Variants in CNRIP1 observed in about 807,000 individuals in gnomAD.
CNRIP1 encodes cannabinoid receptor interacting protein 1.
A neutral mutation model predicts 15.2 loss-of-function variants in CNRIP1; 10 were observed. That is an observed-to-expected ratio of 0.66 (90% CI 0.41 to 1.12). The LOEUF (loss-of-function observed/expected upper bound fraction) is 1.12. CNRIP1 is among the 50% of genes most tolerant of loss of function. The pLI, the probability that CNRIP1 is intolerant of heterozygous loss-of-function variation, is 0.00. For missense variants in CNRIP1, 211 were observed against 214.7 expected (o/e 0.98, Z 0.11); for synonymous variants, 91 against 83.2 (o/e 1.09, Z -0.51).
At position 68,304,112 on chromosome 2, in the gene CNRIP1, G is replaced by A. The variant is rs149106769; in HGVS notation, c.331-10086C>T. Among the ~76,000 whole-genome samples, 1,256 of 151,788 alleles carry A rather than the reference G, an allele frequency of 8.3e-3. 28 individuals carry two copies. Among genetic ancestry groups the A allele is most frequent in the African/African-American group, 0.029 (1,204 of 41,342 alleles). On this transcript the variant is annotated intron_variant, in intron 2 of 2. Transcript: ENST00000263655. ...AAAAACAAACAAAAAAGCCAGCCAG[G>A]TGCAGGGGGTGCATGCCTGTAATCC...
At position 68,319,665 on chromosome 2, in the gene CNRIP1, C is replaced by G. The variant is rs1379197123; in HGVS notation, c.-265G>C. On this transcript the variant is annotated 5_prime_UTR_variant, in exon 1 of 3. Transcript: ENST00000263655. Reference sequence around the variant, plus strand: ...CCAAGGCCGCGCGCTTCCCCATCCCCCGCTCCAGTGCTGCGCCCTCCACGC... The same window carrying G: ...CCAAGGCCGCGCGCTTCCCCATCCCGCGCTCCAGTGCTGCGCCCTCCACGC... The G allele has an allele frequency of 2.3e-6, 1 of 439,210 alleles. No homozygotes were observed. Among genetic ancestry groups the G allele is most frequent in the Non-Finnish European group, 4.1e-6 (1 of 246,160 alleles). The allele number at this position is 439,210 out of a possible 1,614,324, so 27.2% of individuals were successfully genotyped here.
At chr2:68,304,268 G>A (rs536660734) in intron 2 of CNRIP1, among the ~76,000 whole-genome samples, 1 of 151,498 alleles carries the variant, frequency 6.6e-6, no homozygotes, top group Admixed American at 6.6e-5. Flanking sequence ...GGGTGTGTTG[G>A]TGGGTGCCTA....
intron 1 of CNRIP1, among the ~76,000 whole-genome samples, chr2:68,318,816 G>T (rs1672377733): frequency 6.6e-6 from 1 of 152,156 alleles, no homozygotes; most frequent in African/African-American, 2.4e-5. Context: ...CCTGTGGGCC[G>T]CCTGGACCGC....
At chr2:68,291,478 G>T (rs1671166721), downstream of CNRIP1, among the ~76,000 whole-genome samples, 1 of 152,042 alleles carries the variant, frequency 6.6e-6, no homozygotes, top group Non-Finnish European at 1.5e-5. Context: ...TCATCTTCTG[G>T]CTCGTTTGTG....
chr2:68,297,638 A>G (rs533364609), intron 2 of CNRIP1, among the ~76,000 whole-genome samples: 2 of 151,752 alleles, frequency 1.3e-5, no homozygotes, highest in African/African-American at 4.8e-5. Flanking sequence ...ATTCAAATGT[A>G]ATTAGTAATT....
intron 2 of CNRIP1, among the ~76,000 whole-genome samples, chr2:68,307,571 T>C (rs1309007259): frequency 6.6e-6 from 1 of 152,186 alleles, no homozygotes; most frequent in Non-Finnish European, 1.5e-5. Context: ...TGCGATCCTC[T>C]TGCCTTGTCC....
chr2:68,305,610 A>C (rs1266838182), intron 2 of CNRIP1, among the ~76,000 whole-genome samples: 6 of 151,542 alleles, frequency 4.0e-5, no homozygotes, highest in African/African-American at 1.5e-4. Context: ...CCTGGCTAAC[A>C]CGGTGAAACC....
chr2:68,295,763 A>C (rs1386017558), intron 2 of CNRIP1, among the ~76,000 whole-genome samples: 1 of 152,164 alleles, frequency 6.6e-6, no homozygotes, highest in Admixed American at 6.5e-5. Context: ...AATGTGCAAG[A>C]GGGAACTTTT....
In CNRIP1 at chr2:68,319,280, G is replaced by A. The variant is rs1412633801; in HGVS notation, c.121C>T (p.Leu41Phe). 2 of 1,551,280 alleles carry A rather than the reference G, an allele frequency of 1.3e-6. No homozygotes were observed. The highest frequency in any genetic ancestry group is 1.7e-6 in the Non-Finnish European group (2 of 1,147,418). The change falls in exon 1 of 3, where the codon CTC becomes TTC. Residue 41 changes from leucine to phenylalanine, a missense_variant. Transcript: ENST00000263655. ...RFGQNRTIKL[L>F]TGSSYKVEVK... Reference sequence around the variant, plus strand: ...TCAACCTTGTAGGAGGAGCCGGTGAGCAGCTTGATGGTGCGGTTCTGGCCG... The same window carrying A: ...TCAACCTTGTAGGAGGAGCCGGTGAACAGCTTGATGGTGCGGTTCTGGCCG...
chr2:68,305,274 A>ATGTGTGTGTGTGTGTGTGTGTGTG (rs10601379), intron 2 of CNRIP1, among the ~76,000 whole-genome samples: 3 of 120,640 alleles, frequency 2.5e-5, no homozygotes, highest in South Asian at 2.6e-4. Context: ...ATATATATAT[A>ATGTGTGTGTGTGTGTGTGTGTGTG]TGTGTGTGTG....
At chr2:68,317,927 G>C (rs1485570089) in intron 1 of CNRIP1, among the ~76,000 whole-genome samples, 2 of 151,546 alleles carry the variant, frequency 1.3e-5, no homozygotes, top group Non-Finnish European at 2.9e-5. Flanking sequence ...AGAAATCCTT[G>C]ATAGCATTAA....
At chr2:68,288,463 A>G (rs893372946), downstream of CNRIP1, among the ~76,000 whole-genome samples, 3 of 152,158 alleles carry the variant, frequency 2.0e-5, no homozygotes, top group African/African-American at 7.2e-5. Flanking sequence ...AGAGACTAGA[A>G]TGCCTGTCAG....
chr2:68,311,003 T>TA (rs571443416), intron 2 of CNRIP1, among the ~76,000 whole-genome samples: 2 of 152,056 alleles, frequency 1.3e-5, no homozygotes, highest in Non-Finnish European at 2.9e-5. Context: ...GAAGATCCAT[T>TA]AAAAAAAGAA....
At chr2:68,318,327 GAT>G (rs1240156977) in intron 1 of CNRIP1, among the ~76,000 whole-genome samples, 1 of 152,122 alleles carries the variant, frequency 6.6e-6, no homozygotes, top group East Asian at 1.9e-4. Flanking sequence ...ATATGTAGTA[GAT>G]ACAATAAATG....
intron 2 of CNRIP1, among the ~76,000 whole-genome samples, chr2:68,315,563 A>C (rs1436770395): frequency 2.0e-5 from 3 of 150,842 alleles, no homozygotes; most frequent in Non-Finnish European, 2.9e-5. Context: ...ATACATTCAT[A>C]AAATACAATA....
At chr2:68,304,118 G>C (rs956555130) in intron 2 of CNRIP1, among the ~76,000 whole-genome samples, 3 of 151,890 alleles carry the variant, frequency 2.0e-5, no homozygotes, top group African/African-American at 7.3e-5. Context: ...CCAGGTGCAG[G>C]GGGTGCATGC....
chr2:68,319,365 G>A lies in CNRIP1; in HGVS notation c.36C>T (p.Ile12=). Residue 12 remains isoleucine (I), a synonymous_variant, in exon 1 of 3, where the codon ATC becomes ATT. Coordinates refer to ENST00000263655, the MANE Select transcript of CNRIP1 (RefSeq NM_015463.3). The part of the protein sequence containing the change: ...GDLPGLVRLS[I]ALRIQPNDGP... The stretch of plus-strand genomic sequence containing the variant: ...CGTCATTAGGCTGGATGCGCAGCGC[G>A]ATGGAGAGGCGCACGAGGCCCGGCA... 1 of 1,586,080 alleles carries A rather than the reference G, an allele frequency of 6.3e-7. No homozygotes were observed. The highest frequency in any genetic ancestry group is 8.6e-7 in the Non-Finnish European group (1 of 1,167,386).
At chr2:68,306,529 C>T (rs1671852414) in intron 2 of CNRIP1, among the ~76,000 whole-genome samples, 1 of 151,972 alleles carries the variant, frequency 6.6e-6, no homozygotes, top group African/African-American at 2.4e-5. Context: ...GCCAGTAATC[C>T]CAGCGTTTTG....
intron 2 of CNRIP1, among the ~76,000 whole-genome samples, chr2:68,298,714 C>T (rs1276175409): frequency 1.3e-5 from 2 of 152,202 alleles, no homozygotes; most frequent in African/African-American, 4.8e-5. Context: ...CTTCCTCTCC[C>T]CGATGCCTTA....
Sources: allele counts gnomAD v4.1 joint callset (sites outside exome capture counted in the v4.1 genomes callset), GRCh38; gene constraint gnomAD v4.1.1; transcripts MANE v1.5; gene names NCBI Gene and HGNC (gene_info 2026-07-23, HGNC 2026-07-21).